Variants in RHOBTB3 observed in about 807,000 individuals in gnomAD.
The protein encoded by RHOBTB3 is rho-related BTB domain-containing protein 3.
A neutral mutation model predicts 67.2 loss-of-function variants in RHOBTB3; 47 were observed. The ratio of observed to expected loss-of-function variants is 0.70; its 90% CI spans 0.55 to 0.89. The LOEUF is 0.89. Ranked by LOEUF, RHOBTB3 falls within the 40% of genes least tolerant of loss-of-function variation. The pLI is 0.00. For synonymous variants in RHOBTB3, 273 were observed against 274.2 expected (o/e 1.00, Z 0.04); for missense variants, 631 against 750.0 (o/e 0.84, Z 1.85).
intron 11 of RHOBTB3, 23 bp from the exon 12 acceptor site, chr5:95,793,034 AAC>A (rs1746462819): frequency 1.4e-6 from 2 of 1,474,560 alleles, no homozygotes; most frequent in Admixed American, 1.7e-5. Flanking sequence ...ATATTCGGTT[AAC>A]AGTCTTTTTC....
chr5:95,782,026 A>G (rs1746063235), intron 9 of RHOBTB3: 1 of 152,240 alleles, frequency 6.6e-6, no homozygotes, highest in South Asian at 2.1e-4. Flanking sequence ...CAAGTAATTG[A>G]AGCTGCTAAT....
chr5:95,773,612 A>G (rs573459107), intron 8 of RHOBTB3, among the ~76,000 whole-genome samples: 30 of 152,376 alleles, frequency 2.0e-4, no homozygotes, highest in Admixed American at 3.9e-4. Context: ...CGAACCACAC[A>G]GATAACAAGA....
At chr5:95,771,116 G>A (rs1362889335) in intron 8 of RHOBTB3, among the ~76,000 whole-genome samples, 1 of 152,132 alleles carries the variant, frequency 6.6e-6, no homozygotes, top group African/African-American at 2.4e-5. Flanking sequence ...AAGAATAATT[G>A]TGTACAAAGT....
At chr5:95,774,266 A>G (rs1045469360) in intron 8 of RHOBTB3, among the ~76,000 whole-genome samples, 11 of 152,336 alleles carry the variant, frequency 7.2e-5, no homozygotes, top group South Asian at 2.1e-4. Flanking sequence ...AAAATCACCC[A>G]TAATCCTATG....
At chr5:95,751,171 ATTT>A (rs2112794607) in intron 4 of RHOBTB3, 1 of 152,312 alleles carries the variant, frequency 6.6e-6, no homozygotes, top group South Asian at 2.1e-4. Context: ...TTTTAAAGAA[ATTT>A]GTTCAAGAGA....
chr5:95,761,416 C>G (rs192177545), intron 6 of RHOBTB3, among the ~76,000 whole-genome samples: 1 of 148,382 alleles, frequency 6.7e-6, no homozygotes, highest in African/African-American at 2.5e-5. Context: ...GATCATGGCT[C>G]ACTGAAATCT....
At chr5:95,747,843 T>G (rs1181897887) in intron 3 of RHOBTB3, among the ~76,000 whole-genome samples, 1 of 152,248 alleles carries the variant, frequency 6.6e-6, no homozygotes. Context: ...ACAATTTTGT[T>G]GCCTGGAAAA....
intron 5 of RHOBTB3, among the ~76,000 whole-genome samples, chr5:95,754,430 G>A (rs1278764791): frequency 6.6e-6 from 1 of 152,186 alleles, no homozygotes. Flanking sequence ...TGCAGGGAGA[G>A]CCTGGCCTCC....
intron 5 of RHOBTB3, among the ~76,000 whole-genome samples, chr5:95,752,946 A>C (rs1425130423): frequency 6.6e-6 from 1 of 152,078 alleles, no homozygotes; most frequent in African/African-American, 2.4e-5. Context: ...CCTGGCTAAC[A>C]CGGTGAAACC....
intron 3 of RHOBTB3, 23 bp downstream of exon 3, chr5:95,737,098 T>C (rs1253143343): frequency 7.2e-7 from 1 of 1,389,486 alleles, no homozygotes; most frequent in Admixed American, 1.9e-5. Flanking sequence ...TATTCTTTTT[T>C]GTAGTGAGCA....
rs1755287805 is a variant in RHOBTB3, at chr5:95,732,060, G to A, written c.204G>A (p.Leu68=). ...YQASAFGNVK[L]VVHDCPVWDI... is the part of the protein sequence containing the mutation. Reference sequence around the variant, plus strand: ...CCAGTGCGTTTGGGAATGTCAAGCTGGTGGTCCACGACTGTCCCGTCTGGG... The same window carrying A: ...CCAGTGCGTTTGGGAATGTCAAGCTAGTGGTCCACGACTGTCCCGTCTGGG... Residue 68 remains leucine (L), a synonymous_variant, in exon 2 of 12, where the codon CTG becomes CTA. Transcript: ENST00000379982. The A allele has an allele frequency of 6.2e-7, 1 of 1,614,224 alleles. No homozygotes were observed. The highest frequency in any genetic ancestry group is 8.5e-7 in the Non-Finnish European group (1 of 1,180,036).
intron 6 of RHOBTB3, among the ~76,000 whole-genome samples, chr5:95,761,073 C>T (rs1250167272): frequency 6.6e-6 from 1 of 152,158 alleles, no homozygotes; most frequent in Non-Finnish European, 1.5e-5. Flanking sequence ...CTACTGATTC[C>T]ATCTATTTAG....
chr5:95,790,142 T>C (rs962253003), intron 11 of RHOBTB3, among the ~76,000 whole-genome samples: 6 of 152,234 alleles, frequency 3.9e-5, no homozygotes, highest in African/African-American at 1.4e-4. Context: ...AGTCAACTAT[T>C]AGTACAGTAG....
intron 9 of RHOBTB3, chr5:95,781,453 A>C (rs1746042828): frequency 6.6e-6 from 1 of 152,280 alleles, no homozygotes; most frequent in Non-Finnish European, 1.5e-5. Flanking sequence ...AGATTTTAGA[A>C]GTTCAAAAAG....
chr5:95,764,236 G>T (rs1458795641), intron 7 of RHOBTB3, among the ~76,000 whole-genome samples: 1 of 152,182 alleles, frequency 6.6e-6, no homozygotes, highest in Non-Finnish European at 1.5e-5. Flanking sequence ...TCTATATCAT[G>T]AATAAAAGGC....
At chr5:95,760,482 G>A (rs1745366267) in intron 6 of RHOBTB3, among the ~76,000 whole-genome samples, 1 of 152,134 alleles carries the variant, frequency 6.6e-6, no homozygotes, top group Non-Finnish European at 1.5e-5. Context: ...ATCACTTATT[G>A]AAATGCCATC....
intron 1 of RHOBTB3, among the ~76,000 whole-genome samples, chr5:95,723,106 C>T (rs1379432566): frequency 6.6e-6 from 1 of 152,060 alleles, no homozygotes; most frequent in Non-Finnish European, 1.5e-5. Context: ...CAGGGCTTCC[C>T]TGGGCCACAC....
chr5:95,752,378 T>G, intron 5 of RHOBTB3, 28 bp downstream of exon 5: 1 of 1,358,798 alleles, frequency 7.4e-7, no homozygotes, highest in South Asian at 1.2e-5. Context: ...TGTCTAGACA[T>G]TCATTAAACA....
intron 11 of RHOBTB3, among the ~76,000 whole-genome samples, chr5:95,791,852 A>G (rs1746405391): frequency 6.6e-6 from 1 of 151,942 alleles, no homozygotes; most frequent in African/African-American, 2.4e-5. Flanking sequence ...GGCCTCCAGC[A>G]AGGTCTTTAT....
Sources: gnomAD v4.1 joint callset for allele counts (sites outside exome capture counted in the v4.1 genomes callset) on GRCh38, gnomAD v4.1.1 for gene constraint, MANE v1.5 for transcripts, NCBI Gene and HGNC (gene_info 2026-07-23, HGNC 2026-07-21) for gene names.